CSMD1: variants seen among roughly 807,000 people sequenced by gnomAD.
CSMD1 encodes the protein CUB and sushi domain-containing protein 1.
In CSMD1, 213 loss-of-function variants were observed where a neutral mutation model predicts 417.5. The observed-to-expected ratio is 0.51, with a 90% CI of 0.46 to 0.57. The LOEUF (loss-of-function observed/expected upper bound fraction) is 0.57, where lower values mean the gene tolerates loss of function less well. CSMD1 is among the 20% of genes least tolerant of loss of function. CSMD1 has a pLI of 0.00. For synonymous variants in CSMD1, 2,862 were observed against 1,736.8 expected, an observed-to-expected ratio of 1.65 and a Z score of -16.11; for missense variants, 6,923 against 4,529.7, an observed-to-expected ratio of 1.53 and a Z score of -15.17.
intron 5 of CSMD1, among the ~76,000 whole-genome samples, chr8:3,848,204 C>G (rs1585085918): frequency 6.6e-6 from 1 of 152,230 alleles, no homozygotes; most frequent in South Asian, 2.1e-4. Context: ...CAGGAACAAT[C>G]AGAAGTTGTC....
At chr8:4,786,915 G>C (rs1331585306) in intron 1 of CSMD1, among the ~76,000 whole-genome samples, 1 of 152,148 alleles carries the variant, frequency 6.6e-6, no homozygotes, top group Non-Finnish European at 1.5e-5. Flanking sequence ...AGTTTAGCTA[G>C]TACTTCATTT....
At chr8:4,971,856 A>G (rs138776643) in intron 1 of CSMD1, among the ~76,000 whole-genome samples, 50 of 152,198 alleles carry the variant, frequency 3.3e-4, no homozygotes, top group Middle Eastern at 3.4e-3. Flanking sequence ...ATTCAGGAAG[A>G]AATGGACTGT....
At chr8:4,943,926 G>C (rs1808197361) in intron 1 of CSMD1, among the ~76,000 whole-genome samples, 1 of 152,178 alleles carries the variant, frequency 6.6e-6, no homozygotes, top group Non-Finnish European at 1.5e-5. Context: ...GGCCGAGCTG[G>C]ATATTGATTA....
At chr8:3,054,965 A>G (rs1008464339) in intron 49 of CSMD1, among the ~76,000 whole-genome samples, 1 of 152,142 alleles carries the variant, frequency 6.6e-6, no homozygotes, top group Non-Finnish European at 1.5e-5. Flanking sequence ...CAATGTTCCA[A>G]TATCTAGCTT....
At chr8:3,674,979 G>T (rs1799296968) in intron 7 of CSMD1, among the ~76,000 whole-genome samples, 1 of 152,194 alleles carries the variant, frequency 6.6e-6, no homozygotes, top group Non-Finnish European at 1.5e-5. Flanking sequence ...ACAAAAAGGG[G>T]TTAACATCAG....
intron 5 of CSMD1, among the ~76,000 whole-genome samples, chr8:3,798,186 C>G (rs115365671): frequency 0.015 from 2,287 of 152,018 alleles, 62 homozygotes; most frequent in African/African-American, 0.052. Flanking sequence ...CAATTTTTAA[C>G]ATTTTCCGCT....
At chr8:3,606,224 A>G (rs1428806072) in intron 8 of CSMD1, among the ~76,000 whole-genome samples, 3 of 152,140 alleles carry the variant, frequency 2.0e-5, no homozygotes, top group Non-Finnish European at 2.9e-5. Flanking sequence ...TTTTAAGGCC[A>G]GGATGCAGTG....
At chr8:3,751,677 G>C (rs930020760) in intron 6 of CSMD1, among the ~76,000 whole-genome samples, 3 of 151,748 alleles carry the variant, frequency 2.0e-5, no homozygotes, top group South Asian at 4.1e-4. Flanking sequence ...ATACATCTAA[G>C]TGATTGCTAT....
At chr8:4,190,213 C>G (rs1036286748) in intron 3 of CSMD1, among the ~76,000 whole-genome samples, 2 of 137,902 alleles carry the variant, frequency 1.5e-5, no homozygotes, top group Non-Finnish European at 3.0e-5. Flanking sequence ...GAGCTGAGAT[C>G]GAGTCACTGC....
intron 7 of CSMD1, among the ~76,000 whole-genome samples, chr8:3,705,782 C>G (rs887073329): frequency 2.0e-5 from 3 of 152,150 alleles, no homozygotes; most frequent in Non-Finnish European, 4.4e-5. Context: ...GAACTGTGGT[C>G]TCCCAGAGGA....
At chr8:3,262,165 C>T (rs1226361315) in intron 26 of CSMD1, among the ~76,000 whole-genome samples, 5 of 120,806 alleles carry the variant, frequency 4.1e-5, no homozygotes, top group Non-Finnish European at 6.6e-5. Flanking sequence ...CATTTTATTT[C>T]TAAAATTATG....
chr8:4,904,109 C>T (rs549361567), intron 1 of CSMD1, among the ~76,000 whole-genome samples: 8 of 152,130 alleles, frequency 5.3e-5, no homozygotes, highest in African/African-American at 1.7e-4. Flanking sequence ...GGCTCGAATT[C>T]CAATGTATGT....
intron 23 of CSMD1, among the ~76,000 whole-genome samples, chr8:3,335,765 G>C (rs1585016987): frequency 6.6e-6 from 1 of 152,170 alleles, no homozygotes; most frequent in African/African-American, 2.4e-5. Flanking sequence ...CACAGAGCTG[G>C]ATGTTCTATA....
intron 3 of CSMD1, among the ~76,000 whole-genome samples, chr8:4,034,233 A>G (rs1243185296): frequency 1.4e-5 from 2 of 146,748 alleles, no homozygotes; most frequent in Non-Finnish European, 3.0e-5. Flanking sequence ...TTACTTAAGT[A>G]CAAACAGAAC....
At chr8:3,820,221 G>A (rs530260207) in intron 5 of CSMD1, among the ~76,000 whole-genome samples, 2 of 152,182 alleles carry the variant, frequency 1.3e-5, no homozygotes, top group African/African-American at 2.4e-5. Context: ...TGAGGTCAGG[G>A]GTCAGCCATA....
chr8:3,353,164 T>C (rs570398611), intron 21 of CSMD1, among the ~76,000 whole-genome samples: 1 of 152,348 alleles, frequency 6.6e-6, no homozygotes, highest in African/African-American at 2.4e-5. Context: ...ATGACTTTAA[T>C]AACCTTGTGA....
In CSMD1 at chr8:4,036,159, G is replaced by C. The variant is rs138375524; in HGVS notation, c.416-4060C>G. Among the ~76,000 whole-genome samples the C allele has an allele frequency of 5.4e-3, 825 of 152,210 alleles. 4 individuals carry two copies. Among genetic ancestry groups the C allele is most frequent in the Non-Finnish European group, 8.9e-3 (604 of 68,002 alleles). ...GGTGCGTAGTAGGCCGCAAAACTTG[G>C]GTTTGTGTAAGTGTGCTCTGTGATG... On this transcript the variant is annotated intron_variant, in intron 3 of 69. Coordinates refer to ENST00000635120, the MANE Select transcript of CSMD1 (RefSeq NM_033225.6).
At chr8:3,609,032 G>A (rs929350507) in intron 8 of CSMD1, among the ~76,000 whole-genome samples, 3 of 152,174 alleles carry the variant, frequency 2.0e-5, no homozygotes, top group African/African-American at 4.8e-5. Context: ...GTCCTGCATA[G>A]TGAGTGTAAA....
intron 3 of CSMD1, among the ~76,000 whole-genome samples, chr8:4,196,585 C>G (rs558568894): frequency 1.2e-4 from 18 of 152,286 alleles, no homozygotes; most frequent in African/African-American, 3.8e-4. Flanking sequence ...ACCACATTCT[C>G]TGGGGTCATA....
Sources: gnomAD v4.1 joint callset for allele counts (sites outside exome capture counted in the v4.1 genomes callset) on GRCh38, gnomAD v4.1.1 for gene constraint, MANE v1.5 for transcripts, NCBI Gene and HGNC (gene_info 2026-07-23, HGNC 2026-07-21) for gene names.